LUZP2: variants seen among roughly 807,000 people sequenced by gnomAD.
LUZP2 encodes leucine zipper protein 2.
In LUZP2, 52 loss-of-function variants were observed where a neutral mutation model predicts 51.6. That is an observed-to-expected ratio of 1.01 (90% CI 0.81 to 1.27). The LOEUF is 1.27. Ranked by LOEUF, LUZP2 falls within the 50% of genes most tolerant of loss-of-function variation. The probability of loss-of-function intolerance (pLI) is 0.00; values close to 1 mark genes in which losing one functional copy is unlikely to be tolerated. For missense variants in LUZP2, 436 were observed against 395.4 expected, an observed-to-expected ratio of 1.10 and a Z score of -0.87; for synonymous variants, 154 against 137.3, an observed-to-expected ratio of 1.12 and a Z score of -0.85.
intron 1 of LUZP2, among the ~76,000 whole-genome samples, chr11:24,527,579 A>ACACACG (rs1850850254): frequency 7.0e-6 from 1 of 142,978 alleles, no homozygotes; most frequent in African/African-American, 2.8e-5. Flanking sequence ...ACACACACAC[A>ACACACG]CACACACACA....
intron 7 of LUZP2, among the ~76,000 whole-genome samples, chr11:24,917,838 G>T (rs1324086614): frequency 6.6e-6 from 1 of 152,032 alleles, no homozygotes; most frequent in Non-Finnish European, 1.5e-5. Context: ...GGTTCCATAT[G>T]AACTTTAAAG....
At chr11:24,979,050 C>A (rs1015887835) in intron 8 of LUZP2, among the ~76,000 whole-genome samples, 12 of 151,640 alleles carry the variant, frequency 7.9e-5, no homozygotes, top group African/African-American at 2.9e-4. Flanking sequence ...TGTTCAAATT[C>A]CTCAAAATCT....
intron 1 of LUZP2, among the ~76,000 whole-genome samples, chr11:24,680,397 G>A (rs1856694839): frequency 6.6e-6 from 1 of 152,150 alleles, no homozygotes; most frequent in Non-Finnish European, 1.5e-5. Context: ...ACGATTAACA[G>A]TACCCTGAAT....
chr11:25,027,880 A>G (rs9804558), intron 9 of LUZP2, among the ~76,000 whole-genome samples: 1 of 125,116 alleles, frequency 8.0e-6, no homozygotes, highest in Non-Finnish European at 1.5e-5. Flanking sequence ...AAAAAAAAAA[A>G]AAAAGGTGTT....
intron 5 of LUZP2, among the ~76,000 whole-genome samples, chr11:24,830,134 T>A (rs1176063075): frequency 6.6e-6 from 1 of 152,078 alleles, no homozygotes; most frequent in East Asian, 1.9e-4. Context: ...AAAGCCTTCA[T>A]AATCACTTTA....
intron 5 of LUZP2, among the ~76,000 whole-genome samples, chr11:24,818,977 C>T (rs1177624932): frequency 6.6e-6 from 1 of 151,910 alleles, no homozygotes; most frequent in East Asian, 1.9e-4. Flanking sequence ...TAAACAGGAT[C>T]CATGAAAATG....
intron 7 of LUZP2, among the ~76,000 whole-genome samples, chr11:24,920,171 G>T (rs747362754): frequency 6.6e-6 from 1 of 151,840 alleles, no homozygotes; most frequent in Non-Finnish European, 1.5e-5. Flanking sequence ...CAACTTCTCT[G>T]TTGAGATACA....
At chr11:24,909,442 A>G (rs1264247193) in intron 6 of LUZP2, among the ~76,000 whole-genome samples, 4 of 151,874 alleles carry the variant, frequency 2.6e-5, no homozygotes. Context: ...ACTCATGTGC[A>G]CCATATGTGG....
intron 1 of LUZP2, among the ~76,000 whole-genome samples, chr11:24,518,829 T>G (rs143858669): frequency 6.4e-4 from 98 of 152,320 alleles, no homozygotes; most frequent in African/African-American, 2.2e-3. Context: ...AAAGAGAGGG[T>G]TCGGCTTTTA....
chr11:24,742,001 ATT>A (rs1491563918), intron 4 of LUZP2, among the ~76,000 whole-genome samples: 1 of 133,056 alleles, frequency 7.5e-6, no homozygotes, highest in African/African-American at 2.9e-5. Flanking sequence ...AAATGTATAT[ATT>A]ATATATAAAT....
intron 1 of LUZP2, among the ~76,000 whole-genome samples, chr11:24,655,497 C>T (rs1309330541): frequency 6.6e-6 from 1 of 151,836 alleles, no homozygotes; most frequent in South Asian, 2.1e-4. Context: ...GGCTAGAGAT[C>T]ATAATCTCTT....
At chr11:24,667,761 G>A (rs1407090853) in intron 1 of LUZP2, among the ~76,000 whole-genome samples, 1 of 152,062 alleles carries the variant, frequency 6.6e-6, no homozygotes, top group African/African-American at 2.4e-5. Context: ...AGAATTTTAT[G>A]GACTCTTGGA....
chr11:24,798,125 TTTGC>T (rs1465451179), intron 5 of LUZP2, among the ~76,000 whole-genome samples: 1 of 152,138 alleles, frequency 6.6e-6, no homozygotes, highest in African/African-American at 2.4e-5. Context: ...GTTTTGTTTG[TTTGC>T]TTGCTTATTT....
intron 11 of LUZP2, among the ~76,000 whole-genome samples, chr11:25,077,718 G>T (rs574037389): frequency 6.6e-6 from 1 of 151,692 alleles, no homozygotes; most frequent in Non-Finnish European, 1.5e-5. Flanking sequence ...GGATGGTCTC[G>T]ATTTCCTGAC....
intron 1 of LUZP2, among the ~76,000 whole-genome samples, chr11:24,648,994 T>C (rs1016775291): frequency 3.3e-5 from 5 of 152,042 alleles, no homozygotes; most frequent in African/African-American, 9.7e-5. Context: ...AATAAGGGTA[T>C]TCTAGTGCAT....
At chr11:24,928,726 G>T (rs1370890505) in intron 7 of LUZP2, among the ~76,000 whole-genome samples, 1 of 151,986 alleles carries the variant, frequency 6.6e-6, no homozygotes, top group Admixed American at 6.6e-5. Flanking sequence ...TGGTATTACT[G>T]TGATACTGGA....
chr11:24,543,820 TCAC>T (rs1851454299), intron 1 of LUZP2, among the ~76,000 whole-genome samples: 1 of 7,096 alleles, frequency 1.4e-4, no homozygotes, highest in African/African-American at 1.0e-3. Context: ...AGACTCTGTC[TCAC>T]AAAAAAAAAA....
intron 9 of LUZP2, among the ~76,000 whole-genome samples, chr11:25,038,383 G>A (rs1857930805): frequency 6.6e-6 from 1 of 152,118 alleles, no homozygotes; most frequent in African/African-American, 2.4e-5. Context: ...ATGGCCCATA[G>A]GCACTGTAAA....
At chr11:24,751,204 G>C (rs1490862678) in intron 4 of LUZP2, among the ~76,000 whole-genome samples, 4 of 151,966 alleles carry the variant, frequency 2.6e-5, no homozygotes, top group African/African-American at 7.3e-5. Flanking sequence ...GCAGTTAAAG[G>C]AAAATATGAA....
Sources: allele counts gnomAD v4.1 joint callset (sites outside exome capture counted in the v4.1 genomes callset), GRCh38; gene constraint gnomAD v4.1.1; transcripts MANE v1.5; gene names NCBI Gene and HGNC (gene_info 2026-07-23, HGNC 2026-07-21).